The following CSMD1 variants were observed in gnomAD, a reference collection of about 807,000 sequenced individuals.
CSMD1 encodes CUB and sushi domain-containing protein 1.
A neutral mutation model predicts 417.5 loss-of-function variants in CSMD1; 213 were observed. The observed-to-expected ratio is 0.51, with a 90% CI of 0.46 to 0.57. The LOEUF is 0.57. Ranked by LOEUF, CSMD1 falls within the 20% of genes least tolerant of loss-of-function variation. The pLI is 0.00. For synonymous variants in CSMD1, 2,862 were observed against 1,736.8 expected (o/e 1.65, Z -16.11); for missense variants, 6,923 against 4,529.7 (o/e 1.53, Z -15.17).
At chr8:4,065,159 C>T (rs1467633864) in intron 3 of CSMD1, among the ~76,000 whole-genome samples, 1 of 152,166 alleles carries the variant, frequency 6.6e-6, no homozygotes, top group Non-Finnish European at 1.5e-5. Flanking sequence ...TTTACTGACA[C>T]TATTTACACA....
Position 4,084,100 on chromosome 8 carries a change from G to A in CSMD1, c.416-52001C>T, listed in dbSNP as rs186305949. On this transcript the variant is annotated intron_variant, in intron 3 of 69. Coordinates refer to ENST00000635120, the MANE Select transcript of CSMD1 (RefSeq NM_033225.6). ...AAAATGGCTAGTAATATTTGTCTTC[G>A]GAAAGGTAAAACCACAATATGTCTG... is the stretch of plus-strand genomic sequence containing the variant. Among the ~76,000 whole-genome samples the A allele has an allele frequency of 3.8e-4, 58 of 152,058 alleles. No homozygotes were observed. The East Asian group carries it at 7.3e-3, about 19-fold the overall frequency.
rs535741405 is a variant in CSMD1, at chr8:4,168,453, C to T, written c.416-136354G>A. ...ATATTTTAGTAATATTGCAATATAA[C>T]GTATTTTTAGAAAAGGGATGTGGTA... On this transcript the variant is annotated intron_variant, in intron 3 of 69. Transcript: ENST00000635120. Among the ~76,000 whole-genome samples, 187 of 151,744 alleles carry T rather than the reference C, an allele frequency of 1.2e-3. 2 individuals are homozygous for T. Among genetic ancestry groups the T allele is most frequent in the African/African-American group, 3.9e-3 (163 of 41,306 alleles).
chr8:4,907,004 C>T (rs1805325819), intron 1 of CSMD1, among the ~76,000 whole-genome samples: 1 of 152,150 alleles, frequency 6.6e-6, no homozygotes. Context: ...AGACTTAATT[C>T]ATCTATATGT....
At chr8:3,146,756 C>T (rs1818870009) in intron 40 of CSMD1, among the ~76,000 whole-genome samples, 1 of 152,150 alleles carries the variant, frequency 6.6e-6, no homozygotes, top group Non-Finnish European at 1.5e-5. Flanking sequence ...TTAGGAAAGC[C>T]AGGTAAGATG....
At chr8:3,305,564 G>A (rs1804768041) in intron 25 of CSMD1, among the ~76,000 whole-genome samples, 1 of 151,146 alleles carries the variant, frequency 6.6e-6, no homozygotes, top group Non-Finnish European at 1.5e-5. Flanking sequence ...TGTCTCTAGT[G>A]TACTTCCTTG....
intron 8 of CSMD1, among the ~76,000 whole-genome samples, chr8:3,616,404 GT>G (rs1317018663): frequency 3.3e-5 from 5 of 152,114 alleles, no homozygotes; most frequent in African/African-American, 1.2e-4. Context: ...ATGATTGTAA[GT>G]TTCCTGAGAC....
chr8:3,264,668 G>T (rs1463393622), intron 26 of CSMD1, among the ~76,000 whole-genome samples: 1 of 152,174 alleles, frequency 6.6e-6, no homozygotes, highest in East Asian at 1.9e-4. Flanking sequence ...CATCAAAACT[G>T]TGGGGTCGTA....
At chr8:4,156,321 C>A (rs749810225) in intron 3 of CSMD1, among the ~76,000 whole-genome samples, 1 of 152,072 alleles carries the variant, frequency 6.6e-6, no homozygotes, top group African/African-American at 2.4e-5. Context: ...AGGCTCTGAA[C>A]GGCCGTGCAA....
chr8:4,213,585 G>C (rs780367244), intron 3 of CSMD1, among the ~76,000 whole-genome samples: 3 of 152,204 alleles, frequency 2.0e-5, no homozygotes, highest in Admixed American at 2.0e-4. Flanking sequence ...CTTGCAACGT[G>C]AAAGAAAAAT....
chr8:2,995,889 G>C (rs1806849509), intron 54 of CSMD1, among the ~76,000 whole-genome samples: 1 of 152,170 alleles, frequency 6.6e-6, no homozygotes, highest in Non-Finnish European at 1.5e-5. Context: ...TGGATACCAG[G>C]AATTAAGAAT....
intron 3 of CSMD1, among the ~76,000 whole-genome samples, chr8:4,253,479 C>G (rs982249732): frequency 1.5e-4 from 23 of 152,152 alleles, no homozygotes; most frequent in African/African-American, 4.1e-4. Flanking sequence ...TGTTTAAGTT[C>G]TTACTATGCA....
chr8:3,227,337 G>T (rs921576208), intron 27 of CSMD1, among the ~76,000 whole-genome samples: 1 of 152,172 alleles, frequency 6.6e-6, no homozygotes, highest in African/African-American at 2.4e-5. Context: ...GAAGGAGGTT[G>T]CAGTGAGTCG....
At chr8:4,973,999 A>G (rs1810399240) in intron 1 of CSMD1, among the ~76,000 whole-genome samples, 1 of 152,092 alleles carries the variant, frequency 6.6e-6, no homozygotes, top group Admixed American at 6.6e-5. Flanking sequence ...AAAGTTTTAG[A>G]TTAGCCTCTC....
chr8:3,700,620 C>T (rs1401694021), intron 7 of CSMD1: 1 of 152,096 alleles, frequency 6.6e-6, no homozygotes, highest in South Asian at 2.1e-4. Flanking sequence ...TGATCAGTGA[C>T]AGCTGCCAGA....
At chr8:3,217,563 A>C (rs2116836924) in intron 29 of CSMD1, among the ~76,000 whole-genome samples, 1 of 152,294 alleles carries the variant, frequency 6.6e-6, no homozygotes, top group South Asian at 2.1e-4. Context: ...TCATAGAATA[A>C]GTACTGTCAT....
At chr8:3,969,776 C>A (rs1349808192) in intron 5 of CSMD1, among the ~76,000 whole-genome samples, 1 of 152,106 alleles carries the variant, frequency 6.6e-6, no homozygotes, top group African/African-American at 2.4e-5. Flanking sequence ...CATTTTAAAT[C>A]ACTGAAGAAG....
chr8:3,719,569 A>C (rs1239621641), intron 6 of CSMD1, among the ~76,000 whole-genome samples: 1 of 152,214 alleles, frequency 6.6e-6, no homozygotes, highest in Non-Finnish European at 1.5e-5. Flanking sequence ...ATGTAAGAGC[A>C]ATAATACATC....
chr8:3,425,549 C>G (rs1813784321), intron 12 of CSMD1, among the ~76,000 whole-genome samples: 1 of 138,966 alleles, frequency 7.2e-6, no homozygotes, highest in South Asian at 2.2e-4. Flanking sequence ...GATTGCGCCA[C>G]TGCACTCTGG....
rs74878533 is a variant in CSMD1 at position 3,886,780 on chromosome 8, T to C, written c.818+111123A>G. Among the ~76,000 whole-genome samples the C allele has an allele frequency of 2.0e-3, 304 of 152,294 alleles. 2 individuals are homozygous for C. The highest frequency in any genetic ancestry group is 6.7e-3 in the African/African-American group (280 of 41,568). On this transcript the variant is annotated intron_variant, in intron 5 of 69. Coordinates refer to ENST00000635120, the MANE Select transcript of CSMD1 (RefSeq NM_033225.6). ...CAGGACACAGACTTAGGGACAGATA[T>C]ACTGCCAAAGATTACAGAAGGAAGG...
Sources: allele counts gnomAD v4.1 joint callset (sites outside exome capture counted in the v4.1 genomes callset), GRCh38; gene constraint gnomAD v4.1.1; transcripts MANE v1.5; gene names NCBI Gene and HGNC (gene_info 2026-07-23, HGNC 2026-07-21).